ATXN8OS: variants seen among roughly 807,000 people sequenced by gnomAD.
ATXN8OS encodes the protein ATXN8 opposite strand lncRNA.
chr13:70,162,895 G>C (rs867134509), intron 4 of ATXN8OS, among the ~76,000 whole-genome samples: 2 of 152,056 alleles, frequency 1.3e-5, no homozygotes, highest in South Asian at 4.1e-4. Context: ...AGTTTTTCAT[G>C]AACTAAAGGC....
rs1888904991 is a variant in ATXN8OS, at chr13:70,153,889, G to A, written n.573+6461G>A. The stretch of plus-strand genomic sequence containing the variant: ...TTTTGTAGAGACACGGTTTTGCCAT[G>A]TTGCCCAAGCTGATCTCAAACTCCT... On this transcript the variant is annotated intron_variant and non_coding_transcript_variant, in intron 4 of 4. Coordinates refer to ENST00000678624, the Ensembl canonical transcript of ATXN8OS. 2.6e-5 allele frequency among the ~76,000 whole-genome samples: 4 copies of A among 151,964 alleles called. No individual in the cohort carries two copies. The South Asian group carries it at 8.3e-4, about 32-fold the overall frequency.
intron 2 of ATXN8OS, among the ~76,000 whole-genome samples, chr13:70,118,060 T>C (rs1888306548): frequency 6.6e-6 from 1 of 152,108 alleles, no homozygotes; most frequent in East Asian, 1.9e-4. Context: ...ATTATTTTGT[T>C]CTAGGAATAG....
At chr13:70,109,758 C>A (rs1888171350) in intron 1 of ATXN8OS, among the ~76,000 whole-genome samples, 1 of 151,998 alleles carries the variant, frequency 6.6e-6, no homozygotes, top group Admixed American at 6.6e-5. Context: ...TCATTTTTAT[C>A]CAACAATGGA....
intron 3 of ATXN8OS, chr13:70,139,522 A>T: frequency 2.0e-6 from 1 of 508,022 alleles, no homozygotes; most frequent in Non-Finnish European, 3.5e-6. Context: ...TCTCTTACTT[A>T]AGAATTTATG....
intron 3 of ATXN8OS, chr13:70,139,254 A>T: frequency 2.2e-6 from 1 of 455,814 alleles, no homozygotes. Flanking sequence ...GCCTTTTCTG[A>T]CTCCCAGCTT....
chr13:70,124,632 T>C (rs563451234), intron 2 of ATXN8OS, among the ~76,000 whole-genome samples: 1 of 152,238 alleles, frequency 6.6e-6, no homozygotes, highest in East Asian at 1.9e-4. Context: ...ACTCTAGTGA[T>C]AGAAGATCTC....
rs1888728067 is a variant in ATXN8OS at position 70,142,244 on chromosome 13, A to T, written n.500-5111A>T. 1.3e-5 allele frequency among the ~76,000 whole-genome samples: 2 copies of T among 152,240 alleles called. 1 individual carries two copies. Among genetic ancestry groups the T allele is most frequent in the East Asian group, 3.8e-4 (2 of 5,198 alleles). ...TGTTTCTAGTATAAGTCTGTGAAAGACAAATCTGAATAAAACTTTGTGATA... is the reference window on the plus strand; with the variant it reads ...TGTTTCTAGTATAAGTCTGTGAAAGTCAAATCTGAATAAAACTTTGTGATA... On this transcript the variant is annotated intron_variant and non_coding_transcript_variant, in intron 3 of 4. Transcript: ENST00000678624.
intron 1 of ATXN8OS, among the ~76,000 whole-genome samples, chr13:70,114,605 A>T (rs2137470159): frequency 6.6e-6 from 1 of 152,198 alleles, no homozygotes; most frequent in South Asian, 2.1e-4. Context: ...TTAAACATAG[A>T]GTATTTTCTT....
At chr13:70,158,577 A>T (rs1006076679) in intron 4 of ATXN8OS, among the ~76,000 whole-genome samples, 5 of 152,236 alleles carry the variant, frequency 3.3e-5, no homozygotes, top group Admixed American at 2.6e-4. Context: ...AACACAGGTC[A>T]GAAAACCTTT....
intron 4 of ATXN8OS, among the ~76,000 whole-genome samples, chr13:70,161,906 A>G (rs1889014512): frequency 6.6e-6 from 1 of 152,068 alleles, no homozygotes; most frequent in Non-Finnish European, 1.5e-5. Context: ...TTTAATAATA[A>G]GGAGAACTAG....
chr13:70,144,023 A>G (rs1888749564), intron 3 of ATXN8OS, among the ~76,000 whole-genome samples: 1 of 152,320 alleles, frequency 6.6e-6, no homozygotes, highest in Non-Finnish European at 1.5e-5. Context: ...TTATCAGAAA[A>G]TAAAACTGTC....
chr13:70,111,459 C>T (rs1197136691), intron 1 of ATXN8OS, among the ~76,000 whole-genome samples: 2 of 152,184 alleles, frequency 1.3e-5, no homozygotes, highest in Non-Finnish European at 2.9e-5. Context: ...TGGGGTTAAG[C>T]ATGCTGTCTC....
intron 2 of ATXN8OS, among the ~76,000 whole-genome samples, chr13:70,119,663 T>A (rs373774509): frequency 2.6e-4 from 39 of 151,998 alleles, no homozygotes; most frequent in African/African-American, 8.7e-4. Flanking sequence ...ACCCAAACAG[T>A]TCTAACATCT....
At chr13:70,166,937 A>T (rs952446589) in intron 4 of ATXN8OS, among the ~76,000 whole-genome samples, 7 of 151,788 alleles carry the variant, frequency 4.6e-5, no homozygotes, top group Non-Finnish European at 8.8e-5. Context: ...ACTGGCCATC[A>T]GAGAAATGCA....
At chr13:70,134,549 G>A (rs147839232) in intron 3 of ATXN8OS, among the ~76,000 whole-genome samples, 42 of 152,274 alleles carry the variant, frequency 2.8e-4, no homozygotes, top group African/African-American at 8.7e-4. Flanking sequence ...ATGGAGGATA[G>A]CAAAGCTCAT....
chr13:70,163,782 C>A (rs1281473373), intron 4 of ATXN8OS, among the ~76,000 whole-genome samples: 1 of 151,386 alleles, frequency 6.6e-6, no homozygotes, highest in Non-Finnish European at 1.5e-5. Context: ...AAATATTTGG[C>A]TTTCTAAATG....
In ATXN8OS at chr13:70,168,363, G is replaced by A. The variant is rs551971444; in HGVS notation, n.574-1390G>A. Among the ~76,000 whole-genome samples, 5 of 152,042 alleles carry A rather than the reference G, an allele frequency of 3.3e-5. No individual in the cohort carries two copies. The South Asian group carries it at 1.0e-3, about 32-fold the overall frequency. Reference sequence around the variant, plus strand: ...GCATTTATCACTTATATAATGTGTTGGGAGCATTTCAAATCCTCTCTTCTA... The same window carrying A: ...GCATTTATCACTTATATAATGTGTTAGGAGCATTTCAAATCCTCTCTTCTA... On this transcript the variant is annotated intron_variant and non_coding_transcript_variant, in intron 4 of 4. Transcript: ENST00000678624.
intron 4 of ATXN8OS, among the ~76,000 whole-genome samples, chr13:70,165,592 A>G (rs968188463): frequency 6.6e-6 from 1 of 152,062 alleles, no homozygotes; most frequent in Non-Finnish European, 1.5e-5. Flanking sequence ...TCAGTGAATA[A>G]TTATCTGCGT....
intron 4 of ATXN8OS, among the ~76,000 whole-genome samples, chr13:70,150,261 T>C (rs189842865): frequency 6.6e-6 from 1 of 152,088 alleles, no homozygotes; most frequent in Non-Finnish European, 1.5e-5. Flanking sequence ...ATGGGCCTAC[T>C]GAAGGAAGAT....
Sources: gnomAD v4.1 joint callset for allele counts (sites outside exome capture counted in the v4.1 genomes callset) on GRCh38, gnomAD v4.1.1 for gene constraint, MANE v1.5 for transcripts, NCBI Gene and HGNC (gene_info 2026-07-23, HGNC 2026-07-21) for gene names.